Variants in KCNH5 observed in about 807,000 individuals in gnomAD.
The protein encoded by KCNH5 is potassium voltage-gated channel subfamily H member 5, also known as voltage-gated delayed rectifier potassium channel KCNH5.
A neutral mutation model predicts 96.1 loss-of-function variants in KCNH5; 46 were observed. The ratio of observed to expected loss-of-function variants is 0.48; its 90% CI spans 0.38 to 0.61. The LOEUF (loss-of-function observed/expected upper bound fraction) is 0.61, where lower values mean the gene tolerates loss of function less well. Ranked by LOEUF, KCNH5 falls within the 20% of genes least tolerant of loss-of-function variation. The pLI is 0.00. For synonymous variants in KCNH5, 439 were observed against 449.8 expected, an observed-to-expected ratio of 0.98 and a Z score of 0.30; for missense variants, 907 against 1,225.8, an observed-to-expected ratio of 0.74 and a Z score of 3.88.
chr14:62,798,338 A>C (rs991631045), intron 9 of KCNH5, among the ~76,000 whole-genome samples: 2 of 152,336 alleles, frequency 1.3e-5, no homozygotes, highest in Admixed American at 1.3e-4. Context: ...AGCACGGTCT[A>C]TTGTTAGCAG....
Position 63,045,181 on chromosome 14 carries a change from C to T in KCNH5, c.6G>A (p.Pro2=), listed in dbSNP as rs141970580. 3.7e-6 allele frequency: 6 copies of T among 1,613,172 alleles called. No individual in the cohort carries two copies. The highest frequency in any genetic ancestry group is 2.7e-5 in the African/African-American group (2 of 74,908). The part of the protein sequence containing the change: M[P]GGKRGLVAPQ... ...GTGCCACCAGCCCTCTCTTGCCCCCCGGCATCCTGGGTCTGGAGAGCAGCG... is the reference window on the plus strand; with the variant it reads ...GTGCCACCAGCCCTCTCTTGCCCCCTGGCATCCTGGGTCTGGAGAGCAGCG... The change falls in exon 1 of 11, where the codon CCG becomes CCA. Residue 2 remains proline (P), a synonymous_variant. Transcript: ENST00000322893.
chr14:62,814,782 C>CAGAAAAA (rs1886941922), intron 8 of KCNH5, among the ~76,000 whole-genome samples: 1 of 33,750 alleles, frequency 3.0e-5, no homozygotes, highest in African/African-American at 1.5e-4. Flanking sequence ...GACTCCATCT[C>CAGAAAAA]AAAAAAAAAA....
At chr14:62,727,953 A>G (rs1884968018) in intron 10 of KCNH5, among the ~76,000 whole-genome samples, 1 of 149,620 alleles carries the variant, frequency 6.7e-6, no homozygotes, top group African/African-American at 2.5e-5. Context: ...AAATGCACTG[A>G]CTGATATGCA....
chr14:62,857,613 C>G (rs1409957110), intron 7 of KCNH5, among the ~76,000 whole-genome samples: 1 of 152,192 alleles, frequency 6.6e-6, no homozygotes, highest in Non-Finnish European at 1.5e-5. Context: ...TGGCAGGAAG[C>G]ATCCATCATG....
intron 7 of KCNH5, among the ~76,000 whole-genome samples, chr14:62,896,439 C>G (rs904010163): frequency 6.6e-6 from 1 of 152,172 alleles, no homozygotes. Context: ...TTCACATTGC[C>G]AACAAATATT....
intron 7 of KCNH5, among the ~76,000 whole-genome samples, chr14:62,856,523 A>C (rs1887932982): frequency 6.6e-6 from 1 of 152,312 alleles, no homozygotes; most frequent in Admixed American, 6.5e-5. Flanking sequence ...TTTAATAATG[A>C]CATTTATGAT....
At chr14:62,746,717 A>G (rs1045345527) in intron 10 of KCNH5, among the ~76,000 whole-genome samples, 1 of 152,178 alleles carries the variant, frequency 6.6e-6, no homozygotes, top group South Asian at 2.1e-4. Context: ...TTTTACCTTT[A>G]CTATGAAATG....
At position 62,740,997 on chromosome 14, in the gene KCNH5, G is replaced by C. The variant is rs577426672; in HGVS notation, c.2020-32542C>G. 3.9e-5 allele frequency among the ~76,000 whole-genome samples: 6 copies of C among 152,198 alleles called. No homozygotes were observed. The South Asian group carries it at 1.2e-3, about 32-fold the overall frequency. On this transcript the variant is annotated intron_variant, in intron 10 of 10. Coordinates refer to ENST00000322893, the MANE Select transcript of KCNH5 (RefSeq NM_139318.5). Reference sequence around the variant, plus strand: ...ATTTTTAAGTAGAAGTCACAAACATGTGCCTTGATTTATTCTGAGTATGAA... The same window carrying C: ...ATTTTTAAGTAGAAGTCACAAACATCTGCCTTGATTTATTCTGAGTATGAA...
At chr14:62,768,410 T>C (rs1401239700) in intron 10 of KCNH5, among the ~76,000 whole-genome samples, 1 of 152,182 alleles carries the variant, frequency 6.6e-6, no homozygotes, top group Non-Finnish European at 1.5e-5. Flanking sequence ...ATGAAAATGA[T>C]GTGATAGAGC....
intron 10 of KCNH5, among the ~76,000 whole-genome samples, chr14:62,775,413 T>C (rs1408391671): frequency 1.3e-5 from 2 of 152,082 alleles, no homozygotes; most frequent in Admixed American, 6.5e-5. Context: ...CAAACAAATG[T>C]GTTTTCCCAT....
Position 62,705,180 on chromosome 14 carries a change from C to T in KCNH5, c.*2328G>A, listed in dbSNP as rs1215676281. On this transcript the variant is annotated 3_prime_UTR_variant, in exon 11 of 11. Coordinates refer to ENST00000322893, the MANE Select transcript of KCNH5 (RefSeq NM_139318.5). ...GTGAAACTCTACGTCAATGTCAGAA[C>T]ACAGTAAATATTTGCACCACTAATA... 1 of 151,974 alleles carries T rather than the reference C, an allele frequency of 6.6e-6. No homozygotes were observed. The highest frequency in any genetic ancestry group is 1.5e-5 in the Non-Finnish European group (1 of 67,854). The allele number at this position is 151,974 out of a possible 1,614,324, so 9.4% of individuals were successfully genotyped here.
At chr14:62,861,675 CG>C in intron 7 of KCNH5, among the ~76,000 whole-genome samples, 1 of 147,932 alleles carries the variant, frequency 6.8e-6, no homozygotes, top group Non-Finnish European at 1.5e-5. Flanking sequence ...CACACACACA[CG>C]GTATAATTAT....
rs1886443714 is a variant in KCNH5, at chr14:62,791,929, G to T, written c.1822+10400C>A. ...TGTATTCATTTTTATTTATTAGTTG[G>T]CCCTTCACTATAAGTTATCATTGCA... is the stretch of plus-strand genomic sequence containing the variant. On this transcript the variant is annotated intron_variant, in intron 9 of 10. Transcript: ENST00000322893. Among the ~76,000 whole-genome samples the T allele has an allele frequency of 5.3e-5, 8 of 151,450 alleles. No individual in the cohort carries two copies. In the South Asian group the frequency reaches 1.7e-3, roughly 31 times the overall value.
intron 8 of KCNH5, among the ~76,000 whole-genome samples, chr14:62,809,612 C>A (rs540994483): frequency 6.6e-6 from 1 of 152,006 alleles, no homozygotes; most frequent in Admixed American, 6.6e-5. Context: ...TATGAGATTC[C>A]TTATGAAACA....
At chr14:62,923,155 GT>G (rs1889410646) in intron 7 of KCNH5, among the ~76,000 whole-genome samples, 1 of 151,946 alleles carries the variant, frequency 6.6e-6, no homozygotes, top group East Asian at 1.9e-4. Context: ...ACAAAAATCA[GT>G]TGTGTTTCTA....
At position 62,707,994 on chromosome 14, in the gene KCNH5, G is replaced by T; in HGVS notation, c.2481C>A (p.Asp827Glu). 1 of 1,614,164 alleles carries T rather than the reference G, an allele frequency of 6.2e-7. No homozygotes were observed. Among genetic ancestry groups the T allele is most frequent in the South Asian group, 1.1e-5 (1 of 91,084 alleles). Residue 827 changes from aspartate (D) to glutamate (E), a missense_variant, in exon 11 of 11, where the codon GAC becomes GAA. Coordinates refer to ENST00000322893, the MANE Select transcript of KCNH5 (RefSeq NM_139318.5). The stretch of plus-strand genomic sequence containing the variant: ...ACTCAGCTTTAGTGACATTATTCCA[G>T]TCTTCCTTTTTCTCCTCATGGGCTC... Reference protein sequence around the residue: ...NMGAHEEKKEDWNNVTKAESM... With the variant: ...NMGAHEEKKEEWNNVTKAESM...
At chr14:62,978,388 A>G (rs534738596) in intron 6 of KCNH5, among the ~76,000 whole-genome samples, 4 of 152,176 alleles carry the variant, frequency 2.6e-5, no homozygotes, top group Admixed American at 6.5e-5. Flanking sequence ...ACTACACTCA[A>G]CAGCCTAGTG....
At chr14:62,930,640 G>A in intron 7 of KCNH5, among the ~76,000 whole-genome samples, 1 of 152,140 alleles carries the variant, frequency 6.6e-6, no homozygotes, top group East Asian at 1.9e-4. Flanking sequence ...ACCTGTAACA[G>A]GTTTACCAAC....
intron 9 of KCNH5, among the ~76,000 whole-genome samples, chr14:62,792,673 G>T (rs1475743): frequency 6.6e-6 from 1 of 151,400 alleles, no homozygotes; most frequent in African/African-American, 2.4e-5. Flanking sequence ...CTAAGTCTTA[G>T]AACTTTTGCA....
Sources: gnomAD v4.1 joint callset for allele counts (sites outside exome capture counted in the v4.1 genomes callset) on GRCh38, gnomAD v4.1.1 for gene constraint, MANE v1.5 for transcripts, NCBI Gene and HGNC (gene_info 2026-07-23, HGNC 2026-07-21) for gene names.